Variants in CUBN observed in about 807,000 individuals in gnomAD.
CUBN encodes the protein 460 kDa receptor.
CUBN carries 282 observed loss-of-function variants against 405.3 expected under a neutral mutation model. That is an observed-to-expected ratio of 0.70 (90% confidence interval 0.63 to 0.77). The LOEUF is 0.77. Among genes scored for constraint, CUBN ranks in the 30% least tolerant of loss-of-function variants. CUBN has a pLI of 0.00. For missense variants in CUBN, 4,514 were observed against 4,475.2 expected (o/e 1.01, Z -0.25); for synonymous variants, 1,684 against 1,617.0 (o/e 1.04, Z -0.99).
intron 35 of CUBN, among the ~76,000 whole-genome samples, chr10:16,948,030 G>A (rs1358957968): frequency 6.6e-6 from 1 of 152,210 alleles, no homozygotes; most frequent in African/African-American, 2.4e-5. Context: ...CCAACATAGT[G>A]AAACCTCGTC....
chr10:16,961,629 A>G (rs1455144348), intron 31 of CUBN, among the ~76,000 whole-genome samples: 3 of 152,250 alleles, frequency 2.0e-5, no homozygotes, highest in South Asian at 4.1e-4. Context: ...TGTCTTATAA[A>G]TAAGCATTAT....
chr10:17,109,538 A>G lies in CUBN; in HGVS notation c.1111+102T>C, dbSNP rs1836718493. The G allele has an allele frequency of 5.0e-6, 5 of 998,770 alleles. No homozygotes were observed. In the Admixed American group the frequency reaches 7.6e-5, roughly 15 times the overall value. 61.9% of individuals were successfully genotyped at this position (998,770 alleles called of 1,614,324 possible). ...GATTAATTTTAGGTTTGAAGGTCAA[A>G]ATAACAATTTTGAGAACAGAGGATT... On this transcript the variant is annotated intron_variant, in intron 10 of 66. Transcript: ENST00000377833.
At chr10:16,933,709 G>T (rs1348200414) in intron 39 of CUBN, among the ~76,000 whole-genome samples, 5 of 152,024 alleles carry the variant, frequency 3.3e-5, no homozygotes, top group African/African-American at 1.2e-4. Flanking sequence ...GTCCTTCTCG[G>T]GGTCTATTTT....
At chr10:17,008,354 G>GT (rs200522247) in intron 28 of CUBN, among the ~76,000 whole-genome samples, 35 of 125,444 alleles carry the variant, frequency 2.8e-4, no homozygotes, top group African/African-American at 8.8e-4. Context: ...GTGTGTGTGT[G>GT]GTGTGTGTGT....
At chr10:16,837,132 C>G (rs997584539) in intron 62 of CUBN, among the ~76,000 whole-genome samples, 2 of 151,950 alleles carry the variant, frequency 1.3e-5, no homozygotes, top group African/African-American at 4.8e-5. Context: ...GCTCTTGGTC[C>G]TTGTCTAACT....
intron 22 of CUBN, among the ~76,000 whole-genome samples, chr10:17,065,284 C>G (rs1306730782): frequency 1.3e-5 from 2 of 152,082 alleles, no homozygotes; most frequent in Non-Finnish European, 2.9e-5. Flanking sequence ...TTTAACAAAA[C>G]CACAGTACAA....
At chr10:16,943,074 T>A (rs1275129747) in intron 36 of CUBN, among the ~76,000 whole-genome samples, 1 of 152,238 alleles carries the variant, frequency 6.6e-6, no homozygotes, top group East Asian at 1.9e-4. Flanking sequence ...CTGGAGGCTC[T>A]GACCACCTCA....
chr10:17,083,043 C>G (rs905939862), intron 17 of CUBN, among the ~76,000 whole-genome samples: 4 of 150,642 alleles, frequency 2.7e-5, no homozygotes, highest in African/African-American at 4.9e-5. Context: ...TTTTGCTGTT[C>G]TCAAAAGTTA....
chr10:16,947,685 T>C (rs914334643), intron 35 of CUBN, among the ~76,000 whole-genome samples: 1 of 152,196 alleles, frequency 6.6e-6, no homozygotes, highest in Non-Finnish European at 1.5e-5. Context: ...GTGACCAGGA[T>C]TCTATTCAAC....
At chr10:17,056,925 G>T (rs1439935750) in intron 22 of CUBN, among the ~76,000 whole-genome samples, 1 of 152,088 alleles carries the variant, frequency 6.6e-6, no homozygotes, top group Non-Finnish European at 1.5e-5. Flanking sequence ...TAAATGAATT[G>T]TCAAAAAGCA....
At chr10:17,124,153 G>A (rs1837112315) in intron 4 of CUBN, among the ~76,000 whole-genome samples, 1 of 152,126 alleles carries the variant, frequency 6.6e-6, no homozygotes, top group Non-Finnish European at 1.5e-5. Context: ...TGCTGCTGCT[G>A]CCCCTCCTCC....
chr10:17,065,136 C>T (rs1003731369), intron 22 of CUBN, among the ~76,000 whole-genome samples: 4 of 141,410 alleles, frequency 2.8e-5, no homozygotes, highest in East Asian at 2.0e-4. Flanking sequence ...CTCTCCCCCC[C>T]CCCCCACACA....
Position 16,888,586 on chromosome 10 carries a change from C to A in CUBN, c.8756-20G>T. 6.2e-7 allele frequency: 1 copy of A among 1,609,302 alleles called. No individual in the cohort carries two copies. The highest frequency in any genetic ancestry group is 1.1e-5 in the South Asian group (1 of 90,922). On this transcript the variant is annotated intron_variant, in intron 55 of 66. Coordinates refer to ENST00000377833, the MANE Select transcript of CUBN (RefSeq NM_001081.4). Reference sequence around the variant, plus strand: ...CACATCCTATGTGGGAACAAAAAGTCATCATCAGATCATTTATTTCTCGTG... The same window carrying A: ...CACATCCTATGTGGGAACAAAAAGTAATCATCAGATCATTTATTTCTCGTG...
At chr10:17,016,939 C>T (rs1834343040) in intron 28 of CUBN, among the ~76,000 whole-genome samples, 1 of 152,104 alleles carries the variant, frequency 6.6e-6, no homozygotes, top group African/African-American at 2.4e-5. Flanking sequence ...GGCCAAGCTG[C>T]AGGATAGTAT....
chr10:17,049,709 C>G (rs7091314), intron 22 of CUBN, among the ~76,000 whole-genome samples: 1 of 152,134 alleles, frequency 6.6e-6, no homozygotes, highest in Admixed American at 6.5e-5. Flanking sequence ...ATGCTTTACC[C>G]TTTACCTAAC....
chr10:16,994,198 A>AT (rs1343639285), intron 28 of CUBN, among the ~76,000 whole-genome samples: 1 of 152,198 alleles, frequency 6.6e-6, no homozygotes, highest in African/African-American at 2.4e-5. Flanking sequence ...TTATTCCTTC[A>AT]TTCACTCATA....
At chr10:17,034,188 G>T (rs1237751017) in intron 27 of CUBN, among the ~76,000 whole-genome samples, 3 of 152,174 alleles carry the variant, frequency 2.0e-5, no homozygotes, top group African/African-American at 7.2e-5. Flanking sequence ...AAAAGGGGAA[G>T]GAATAAGGAA....
intron 27 of CUBN, among the ~76,000 whole-genome samples, chr10:17,031,173 A>G (rs763591091): frequency 3.4e-4 from 52 of 152,204 alleles, no homozygotes; most frequent in Non-Finnish European, 6.8e-4. Context: ...TGCATTAACC[A>G]TGCAGGCTGC....
intron 22 of CUBN, among the ~76,000 whole-genome samples, chr10:17,051,554 G>C (rs1050963884): frequency 1.2e-4 from 18 of 151,914 alleles, no homozygotes; most frequent in Non-Finnish European, 1.5e-4. Context: ...TAAAGAAAAA[G>C]CCTTAAAAAG....
Sources: allele counts gnomAD v4.1 joint callset (sites outside exome capture counted in the v4.1 genomes callset), GRCh38; gene constraint gnomAD v4.1.1; transcripts MANE v1.5; gene names NCBI Gene and HGNC (gene_info 2026-07-23, HGNC 2026-07-21).